Variants in ACAP2 observed in about 807,000 individuals in gnomAD.
ACAP2 encodes arf-GAP with coiled-coil, ANK repeat and PH domain-containing protein 2.
Under a neutral mutation model 115.8 loss-of-function variants are expected in ACAP2, and 39 were observed. That is an observed-to-expected ratio of 0.34 (90% CI 0.26 to 0.44). ACAP2 has a LOEUF of 0.44. ACAP2 is among the 20% of genes least tolerant of loss of function. The pLI, the probability that ACAP2 is intolerant of heterozygous loss-of-function variation, is 1.00. For synonymous variants in ACAP2, 289 were observed against 315.8 expected, an observed-to-expected ratio of 0.92 and a Z score of 0.90; for missense variants, 662 against 927.6, an observed-to-expected ratio of 0.71 and a Z score of 3.72.
At chr3:195,297,789 T>C (rs1727752750) in intron 15 of ACAP2, among the ~76,000 whole-genome samples, 1 of 152,228 alleles carries the variant, frequency 6.6e-6, no homozygotes, top group African/African-American at 2.4e-5. Context: ...TTACCTCTTT[T>C]TGGGTTGGGT....
intron 9 of ACAP2, among the ~76,000 whole-genome samples, chr3:195,321,865 A>C (rs143817145): frequency 5.3e-5 from 8 of 152,266 alleles, no homozygotes; most frequent in African/African-American, 1.9e-4. Context: ...CACCTGCCTC[A>C]GCCTCCCAAA....
intron 6 of ACAP2, among the ~76,000 whole-genome samples, chr3:195,340,312 C>T (rs911599878): frequency 1.3e-5 from 2 of 151,026 alleles, no homozygotes; most frequent in African/African-American, 4.9e-5. Context: ...AAAAGTGACA[C>T]CATTCAATTA....
chr3:195,298,994 TA>T (rs1245786505), intron 15 of ACAP2, among the ~76,000 whole-genome samples: 4 of 152,110 alleles, frequency 2.6e-5, no homozygotes, highest in African/African-American at 9.6e-5. Flanking sequence ...ATAGCCCAGC[TA>T]CCTCTTAAAA....
chr3:195,288,694 C>T (rs1727019763), intron 21 of ACAP2, among the ~76,000 whole-genome samples: 1 of 152,040 alleles, frequency 6.6e-6, no homozygotes. Context: ...CCCATCTCTA[C>T]TAAAAATACA....
intron 4 of ACAP2, among the ~76,000 whole-genome samples, chr3:195,363,710 C>G (rs1732524762): frequency 6.6e-6 from 1 of 151,918 alleles, no homozygotes; most frequent in South Asian, 2.1e-4. Flanking sequence ...CACATTACCT[C>G]AAATTATACT....
intron 8 of ACAP2, among the ~76,000 whole-genome samples, chr3:195,332,462 A>T (rs1730234514): frequency 6.6e-6 from 1 of 152,124 alleles, no homozygotes; most frequent in African/African-American, 2.4e-5. Flanking sequence ...CTTTGATTTC[A>T]TTTTTTGGGT....
intron 1 of ACAP2, among the ~76,000 whole-genome samples, chr3:195,401,026 C>T (rs1408319070): frequency 1.3e-5 from 2 of 152,148 alleles, no homozygotes; most frequent in Admixed American, 6.5e-5. Flanking sequence ...AGCAAGACTC[C>T]GTCTCTGTAA....
intron 4 of ACAP2, among the ~76,000 whole-genome samples, chr3:195,357,218 G>T (rs565009789): frequency 6.6e-6 from 1 of 152,134 alleles, no homozygotes; most frequent in South Asian, 2.1e-4. Flanking sequence ...GTGGACACAG[G>T]GGGTGACTCC....
chr3:195,418,484 G>C (rs1713916842), intron 1 of ACAP2, among the ~76,000 whole-genome samples: 1 of 152,188 alleles, frequency 6.6e-6, no homozygotes, highest in Non-Finnish European at 1.5e-5. Context: ...GGGTGCGGTG[G>C]TACCATCACA....
At chr3:195,389,182 A>G (rs1376195044) in intron 2 of ACAP2, among the ~76,000 whole-genome samples, 5 of 152,186 alleles carry the variant, frequency 3.3e-5, no homozygotes, top group African/African-American at 4.8e-5. Flanking sequence ...GACAGACTCT[A>G]GAACGGGCTT....
In ACAP2 at chr3:195,274,775, T is replaced by C. The variant is rs961363964; in HGVS notation, c.*4553A>G. On this transcript the variant is annotated 3_prime_UTR_variant, in exon 23 of 23. Transcript: ENST00000326793. ...CAGAGGTGAGATCTTTATTGACTTA[T>C]TGTAATTTTTTGGCATACAAATTAC... 3 of 152,642 alleles carry C rather than the reference T, an allele frequency of 2.0e-5. No individual in the cohort carries two copies. The highest frequency in any genetic ancestry group is 4.8e-5 in the African/African-American group (2 of 41,458). 9.5% of individuals were successfully genotyped at this position (152,642 alleles called of 1,614,324 possible).
intron 10 of ACAP2, among the ~76,000 whole-genome samples, chr3:195,311,803 C>A (rs1728788493): frequency 6.6e-6 from 1 of 152,140 alleles, no homozygotes; most frequent in Non-Finnish European, 1.5e-5. Context: ...TCCCAAAGTG[C>A]TGGGATTACA....
At chr3:195,339,033 T>C (rs1203968846) in intron 6 of ACAP2, among the ~76,000 whole-genome samples, 1 of 151,976 alleles carries the variant, frequency 6.6e-6, no homozygotes, top group Non-Finnish European at 1.5e-5. Context: ...GAGTTTGAGA[T>C]CAGCCTGGCC....
At chr3:195,393,884 TG>T (rs34637964) in intron 1 of ACAP2, among the ~76,000 whole-genome samples, 37,909 of 121,308 alleles carry the variant, frequency 0.31, 6,057 homozygotes, top group East Asian at 0.72. Context: ...AGTATTATAT[TG>T]GGGGGGGGGG....
chr3:195,364,328 C>T (rs144840672), intron 4 of ACAP2, among the ~76,000 whole-genome samples: 20 of 152,232 alleles, frequency 1.3e-4, no homozygotes, highest in African/African-American at 3.1e-4. Context: ...GGCCAACAGG[C>T]ATATGAAAAG....
At chr3:195,305,211 GAGA>G (rs1728342956) in intron 13 of ACAP2, among the ~76,000 whole-genome samples, 1 of 152,180 alleles carries the variant, frequency 6.6e-6, no homozygotes, top group African/African-American at 2.4e-5. Flanking sequence ...AAGATTAACT[GAGA>G]AGATTTCCCA....
intron 1 of ACAP2, among the ~76,000 whole-genome samples, chr3:195,428,046 A>G (rs961269186): frequency 6.6e-6 from 1 of 151,990 alleles, no homozygotes; most frequent in African/African-American, 2.4e-5. Flanking sequence ...AAGTAACATA[A>G]AATTGTTACC....
intron 9 of ACAP2, chr3:195,326,641 T>A (rs1385005278): frequency 4.8e-6 from 2 of 414,252 alleles, no homozygotes; most frequent in Non-Finnish European, 8.8e-6. Context: ...GTTAAGTTCC[T>A]AAGAGATTCA....
Position 195,306,515 on chromosome 3 carries a change from G to A in ACAP2, c.1112C>T (p.Ser371Leu). ...ATTGCTAATACCTCTACTAACCTCT[G>A]ATTCATCACCCTTCTCTCTATAAGC... ...ATAYREKGDE[S>L]EKLDKKSSPS... The change falls in exon 13 of 23, where the codon TCA becomes TTA. Residue 371 changes from serine (S) to leucine (L), a missense_variant. By Grantham distance (145) the Ser-to-Leu change is moderately radical (BLOSUM62 -2). Around this residue, in one of 3 missense-constraint regions of ACAP2, gnomAD observed 401 missense variants for 604.4 expected, o/e 0.66. Transcript: ENST00000326793. 1 of 1,602,100 alleles carries A rather than the reference G, an allele frequency of 6.2e-7. No homozygotes were observed.
Sources: gnomAD v4.1 joint callset for allele counts (sites outside exome capture counted in the v4.1 genomes callset) on GRCh38, gnomAD v4.1.1 for gene constraint, gnomAD v4.1.1 regional missense constraint, MANE v1.5 for transcripts, NCBI Gene and HGNC (gene_info 2026-07-23, HGNC 2026-07-21) for gene names.